CAMTA1: variants seen among roughly 807,000 people sequenced by gnomAD.
CAMTA1 encodes the protein calmodulin binding transcription activator 1.
CAMTA1 carries 27 observed loss-of-function variants against 170.9 expected under a neutral mutation model. The ratio of observed to expected loss-of-function variants is 0.16; its 90% confidence interval spans 0.12 to 0.22. The LOEUF (loss-of-function observed/expected upper bound fraction) is 0.22. Among genes scored for constraint, CAMTA1 ranks in the 10% least tolerant of loss-of-function variants. The pLI is 1.00. For synonymous variants in CAMTA1, 833 were observed against 891.5 expected, an observed-to-expected ratio of 0.93 and a Z score of 1.17; for missense variants, 1,619 against 2,217.2, an observed-to-expected ratio of 0.73 and a Z score of 5.42.
chr1:7,751,901 A>G (rs9919220), intron 20 of CAMTA1, among the ~76,000 whole-genome samples: 35,164 of 152,160 alleles, frequency 0.23, 4,432 homozygotes, highest in Admixed American at 0.3. Flanking sequence ...ATGATGCTAC[A>G]TTCCGATTAG....
rs1572980317 is a variant in CAMTA1, at chr1:7,093,613, G to A, written c.302+2242G>A. Among the ~76,000 whole-genome samples the A allele has an allele frequency of 1.3e-5, 2 of 152,128 alleles. No individual in the cohort carries two copies. The highest frequency in any genetic ancestry group is 6.5e-5 in the Admixed American group (1 of 15,274). On this transcript the variant is annotated intron_variant, in intron 4 of 22. Transcript: ENST00000303635. The surrounding 1 kb of genome is among the most constrained non-coding windows in gnomAD (Gnocchi z 4.6). Reference sequence around the variant, plus strand: ...GAACAGTAGAACATTTCAAGGCAGCGGTTTTACCTCGAGTTTCAGCCTTTG... The same window carrying A: ...GAACAGTAGAACATTTCAAGGCAGCAGTTTTACCTCGAGTTTCAGCCTTTG...
intron 5 of CAMTA1, among the ~76,000 whole-genome samples, chr1:7,438,574 G>A (rs1013179258): frequency 2.0e-5 from 3 of 152,126 alleles, no homozygotes; most frequent in Admixed American, 6.5e-5. Flanking sequence ...GGCAGGAGGG[G>A]TCAACTGTAC....
chr1:7,729,116 T>G (rs1349341397), intron 11 of CAMTA1, among the ~76,000 whole-genome samples: 1 of 146,798 alleles, frequency 6.8e-6, no homozygotes, highest in Non-Finnish European at 1.5e-5. Context: ...TGAGGAATCT[T>G]TTTTTTTCTT....
chr1:6,924,683 C>T (rs867858277), intron 3 of CAMTA1, among the ~76,000 whole-genome samples: 2 of 152,214 alleles, frequency 1.3e-5, no homozygotes, highest in Non-Finnish European at 2.9e-5. Flanking sequence ...TACTAAGAAG[C>T]ATGTTCCAGC....
chr1:6,931,839 T>C (rs1684466731), intron 3 of CAMTA1, among the ~76,000 whole-genome samples: 2 of 152,182 alleles, frequency 1.3e-5, no homozygotes, highest in African/African-American at 4.8e-5. Context: ...ATTTGCTGAA[T>C]GAATGAATGA....
In CAMTA1 at chr1:6,820,244, A is replaced by G. The variant is rs149423434; in HGVS notation, c.109A>G (p.Ile37Val). 6.2e-5 allele frequency: 100 copies of G among 1,613,816 alleles called. No individual in the cohort carries two copies. The highest frequency in any genetic ancestry group is 1.1e-4 in the African/African-American group (8 of 74,908). The change falls in exon 2 of 23, where the codon ATA becomes GTA. Residue 37 changes from isoleucine (I) to valine (V), a missense_variant. By Grantham distance (29) the Ile-to-Val change is conservative. This residue lies in a region of CAMTA1 where 61 missense variants were observed against 57.7 expected (regional missense o/e 1.06). Coordinates refer to ENST00000303635, the MANE Select transcript of CAMTA1 (RefSeq NM_015215.4). ...TYCVLNTVPP[I>V]EDDHGNSNSS... ...CTGTGTTCTCAACACCGTGCCACCT[A>G]TAGAAGGTAGGATTTGAAAAAGCTT...
intron 3 of CAMTA1, among the ~76,000 whole-genome samples, chr1:6,847,051 T>G (rs992256770): frequency 6.6e-6 from 1 of 151,788 alleles, no homozygotes; most frequent in Non-Finnish European, 1.5e-5. Flanking sequence ...TCTCCCAGGC[T>G]GGAGTGCAGT....
Position 6,967,655 on chromosome 1 carries a change from G to GC in CAMTA1, c.235-123648dup, listed in dbSNP as rs547769074. Among the ~76,000 whole-genome samples, 5 of 152,302 alleles carry GC rather than the reference G, an allele frequency of 3.3e-5. No individual in the cohort carries two copies. The South Asian group carries it at 1.0e-3, about 32-fold the overall frequency. On this transcript the variant is annotated intron_variant, in intron 3 of 22. Coordinates refer to ENST00000303635, the MANE Select transcript of CAMTA1 (RefSeq NM_015215.4). Reference sequence around the variant, plus strand: ...GCTCCTCTCCATGAGCTCTGGCTGTGCTGTGTGGTTCAGCCAGCATTTGAA... The same window carrying GC: ...GCTCCTCTCCATGAGCTCTGGCTGTGCCTGTGTGGTTCAGCCAGCATTTGAA...
At chr1:6,785,621 C>T (rs748334484) in intron 1 of CAMTA1, 46 bp downstream of exon 1, 3 of 976,332 alleles carry the variant, frequency 3.1e-6, no homozygotes, top group Non-Finnish European at 3.7e-6. Context: ...CGGCGGGCGG[C>T]GGGACCCGGC....
At chr1:7,159,828 C>T (rs1159933491) in intron 4 of CAMTA1, among the ~76,000 whole-genome samples, 1 of 152,222 alleles carries the variant, frequency 6.6e-6, no homozygotes, top group Non-Finnish European at 1.5e-5. Flanking sequence ...GAATTACAGG[C>T]ATGAGCTACC....
At chr1:7,568,445 TCAC>T (rs1471732384) in intron 6 of CAMTA1, among the ~76,000 whole-genome samples, 1 of 127,468 alleles carries the variant, frequency 7.8e-6, no homozygotes, top group Non-Finnish European at 1.6e-5. Context: ...ATCAACATCA[TCAC>T]CACATCACCA....
chr1:6,942,182 C>T (rs558071979), intron 3 of CAMTA1, among the ~76,000 whole-genome samples: 3 of 152,048 alleles, frequency 2.0e-5, no homozygotes, highest in African/African-American at 7.2e-5. Context: ...TACAATACAC[C>T]CTGTTCAGAA....
At chr1:6,925,956 C>T (rs1270979043) in intron 3 of CAMTA1, among the ~76,000 whole-genome samples, 1 of 152,304 alleles carries the variant, frequency 6.6e-6, no homozygotes, top group Non-Finnish European at 1.5e-5. Context: ...ACTTCCTCTC[C>T]TTATGCCTCC....
intron 6 of CAMTA1, among the ~76,000 whole-genome samples, chr1:7,471,301 T>C (rs2093326172): frequency 6.6e-6 from 1 of 152,234 alleles, no homozygotes; most frequent in Non-Finnish European, 1.5e-5. Context: ...AGGGAGCCTC[T>C]CACAGGCAGG....
intron 4 of CAMTA1, among the ~76,000 whole-genome samples, chr1:7,154,442 G>A (rs148560431): frequency 7.2e-4 from 109 of 152,174 alleles, no homozygotes; most frequent in African/African-American, 2.4e-3. Context: ...CTCCTCCTCT[G>A]TCCCCTTTCC....
In CAMTA1 at chr1:7,685,225, G is replaced by C. The variant is rs760612223; in HGVS notation, c.2914+7492G>C. Among the ~76,000 whole-genome samples the C allele has an allele frequency of 1.1e-4, 16 of 152,186 alleles. No individual in the cohort carries two copies. Among genetic ancestry groups the C allele is most frequent in the Admixed American group, 3.9e-4 (6 of 15,288 alleles). On this transcript the variant is annotated intron_variant, in intron 11 of 22. Transcript: ENST00000303635. This position sits in a 1 kb window ranked among gnomAD's most constrained non-coding sequence, Gnocchi z 5.7. ...AGTACAGTTCCGTTCAGTGTTTATT[G>C]AGCATTTACTATATACACAGCAATA...
At position 6,798,953 on chromosome 1, in the gene CAMTA1, C is replaced by G. The variant is rs140178172; in HGVS notation, c.45+13378C>G. Among the ~76,000 whole-genome samples, 23 of 152,290 alleles carry G rather than the reference C, an allele frequency of 1.5e-4. 1 individual carries two copies. The East Asian group carries it at 4.4e-3, about 29-fold the overall frequency. On this transcript the variant is annotated intron_variant, in intron 1 of 22. Coordinates refer to ENST00000303635, the MANE Select transcript of CAMTA1 (RefSeq NM_015215.4). ...TGAACCAATCAGTGATTGGTTAGTT[C>G]TCTAGCTGTGAAGGCTTTGCACTTC... is the stretch of plus-strand genomic sequence containing the variant.
chr1:7,403,833 C>T (rs1485219957), intron 5 of CAMTA1, among the ~76,000 whole-genome samples: 4 of 152,124 alleles, frequency 2.6e-5, no homozygotes, highest in African/African-American at 9.7e-5. Flanking sequence ...TCACCGCAAC[C>T]CCCCAAGGGA....
At position 7,426,323 on chromosome 1, in the gene CAMTA1, G is replaced by A. The variant is rs2091873663; in HGVS notation, c.439-41507G>A. On this transcript the variant is annotated intron_variant, in intron 5 of 22. Coordinates refer to ENST00000303635, the MANE Select transcript of CAMTA1 (RefSeq NM_015215.4). This position sits in a 1 kb window ranked among gnomAD's most constrained non-coding sequence, Gnocchi z 4.8. Reference sequence around the variant, plus strand: ...TCAGAGTCCTAGGGTGCCCTGCCTGGTGGGTGCATGGGGCCAGCAAGGGCA... The same window carrying A: ...TCAGAGTCCTAGGGTGCCCTGCCTGATGGGTGCATGGGGCCAGCAAGGGCA... Among the ~76,000 whole-genome samples, 1 of 151,972 alleles carries A rather than the reference G, an allele frequency of 6.6e-6. No homozygotes were observed. The highest frequency in any genetic ancestry group is 2.4e-5 in the African/African-American group (1 of 41,354).
Sources: gnomAD v4.1 joint callset for allele counts (sites outside exome capture counted in the v4.1 genomes callset) on GRCh38, gnomAD v4.1.1 for gene constraint, gnomAD v4.1.1 regional missense constraint, Gnocchi (gnomAD v3.1) non-coding constraint, MANE v1.5 for transcripts, NCBI Gene and HGNC (gene_info 2026-07-23, HGNC 2026-07-21) for gene names.